NALF1: variants seen among roughly 807,000 people sequenced by gnomAD.
The protein encoded by NALF1 is family with sequence similarity 155 member A.
A neutral mutation model predicts 48.4 loss-of-function variants in NALF1; 3 were observed. That is an observed-to-expected ratio of 0.06 (90% CI 0.03 to 0.16). The LOEUF (loss-of-function observed/expected upper bound fraction) is 0.16, where lower values mean the gene tolerates loss of function less well. NALF1 is among the 10% of genes least tolerant of loss of function. The pLI, the probability that NALF1 is intolerant of heterozygous loss-of-function variation, is 1.00. For synonymous variants in NALF1, 262 were observed against 245.7 expected (o/e 1.07, Z -0.62); for missense variants, 526 against 571.5 (o/e 0.92, Z 0.81).
intron 1 of NALF1, among the ~76,000 whole-genome samples, chr13:107,645,007 T>C (rs1880277468): frequency 6.6e-6 from 1 of 152,164 alleles, no homozygotes; most frequent in Non-Finnish European, 1.5e-5. Flanking sequence ...TTTATCTTAT[T>C]GTATAAATGT....
intron 1 of NALF1, among the ~76,000 whole-genome samples, chr13:107,440,850 G>T (rs906607098): frequency 4.6e-5 from 7 of 152,058 alleles, no homozygotes; most frequent in African/African-American, 1.4e-4. Flanking sequence ...TTCAGAGATG[G>T]CCTTAATCTA....
At chr13:107,216,306 A>G (rs1234339069) in intron 1 of NALF1, among the ~76,000 whole-genome samples, 1 of 152,204 alleles carries the variant, frequency 6.6e-6, no homozygotes, top group Admixed American at 6.5e-5. Context: ...AACTCAAAAT[A>G]AATTTTCACG....
intron 1 of NALF1, among the ~76,000 whole-genome samples, chr13:107,275,457 G>A (rs1278242323): frequency 6.6e-6 from 1 of 152,120 alleles, no homozygotes; most frequent in African/African-American, 2.4e-5. Context: ...AACCTTGAGA[G>A]CCTGTATGGA....
intron 1 of NALF1, among the ~76,000 whole-genome samples, chr13:107,489,731 G>A (rs1422423444): frequency 6.6e-6 from 1 of 150,430 alleles, no homozygotes; most frequent in Non-Finnish European, 1.5e-5. Flanking sequence ...AATGATGAAG[G>A]TGCCAGATGG....
In NALF1 at chr13:107,184,088, G is replaced by A. The variant is rs1879123675; in HGVS notation, c.1088-13302C>T. ...TGCCTCTCAGGTTCAAGGTTCAGGT[G>A]GTTGATGGGTGCAGCAAACCACCAT... On this transcript the variant is annotated intron_variant, in intron 2 of 2. Coordinates refer to ENST00000375915, the MANE Select transcript of NALF1 (RefSeq NM_001080396.3). Among the ~76,000 whole-genome samples the A allele has an allele frequency of 5.3e-5, 8 of 151,106 alleles. No individual in the cohort carries two copies. The South Asian group carries it at 1.5e-3, about 28-fold the overall frequency.
intron 1 of NALF1, among the ~76,000 whole-genome samples, chr13:107,689,226 G>A (rs1460081154): frequency 1.3e-5 from 2 of 152,166 alleles, no homozygotes; most frequent in Non-Finnish European, 2.9e-5. Context: ...CACCTTCTCT[G>A]ACTCTGTCCT....
chr13:107,257,997 A>C (rs776494365), intron 1 of NALF1, among the ~76,000 whole-genome samples: 9 of 152,234 alleles, frequency 5.9e-5, no homozygotes, highest in Non-Finnish European at 1.2e-4. Flanking sequence ...GAAAGGTCAC[A>C]TTTTATATAA....
intron 1 of NALF1, among the ~76,000 whole-genome samples, chr13:107,385,415 T>C (rs115762996): frequency 0.014 from 2,131 of 152,036 alleles, 55 homozygotes; most frequent in African/African-American, 0.048. Flanking sequence ...TAGCTGGGTA[T>C]AGTGGCGCGT....
intron 1 of NALF1, among the ~76,000 whole-genome samples, chr13:107,428,477 A>G (rs1468601878): frequency 1.3e-5 from 2 of 152,090 alleles, no homozygotes; most frequent in Non-Finnish European, 2.9e-5. Flanking sequence ...TTCTATCTAT[A>G]ATTTGAGCAG....
intron 1 of NALF1, among the ~76,000 whole-genome samples, chr13:107,395,335 A>G (rs2138986467): frequency 6.6e-6 from 1 of 152,284 alleles, no homozygotes; most frequent in African/African-American, 2.4e-5. Context: ...TGATTCCAGG[A>G]AAAGCCAAGA....
chr13:107,832,125 C>G (rs769747130), intron 1 of NALF1, among the ~76,000 whole-genome samples: 2 of 151,980 alleles, frequency 1.3e-5, no homozygotes, highest in Non-Finnish European at 2.9e-5. Flanking sequence ...ACTGAACCTA[C>G]AAGTAAATTT....
rs150939306 is a variant in NALF1 at position 107,502,894 on chromosome 13, A to G, written c.916-292139T>C. Among the ~76,000 whole-genome samples the G allele has an allele frequency of 1.1e-3, 171 of 152,300 alleles. 1 individual carries two copies. Among genetic ancestry groups the G allele is most frequent in the African/African-American group, 3.6e-3 (151 of 41,564 alleles). On this transcript the variant is annotated intron_variant, in intron 1 of 2. Coordinates refer to ENST00000375915, the MANE Select transcript of NALF1 (RefSeq NM_001080396.3). Reference sequence around the variant, plus strand: ...ATTGTCCATTTCTGTATTTATGAAAATGGCCATCAAAGAGTGACAGTTCCA... The same window carrying G: ...ATTGTCCATTTCTGTATTTATGAAAGTGGCCATCAAAGAGTGACAGTTCCA...
intron 1 of NALF1, among the ~76,000 whole-genome samples, chr13:107,372,564 T>C (rs1883266228): frequency 6.6e-6 from 1 of 152,196 alleles, no homozygotes; most frequent in Non-Finnish European, 1.5e-5. Flanking sequence ...TTTAATGAAA[T>C]TTCAACAACA....
In NALF1 at chr13:107,349,556, C is replaced by T. The variant is rs1037731518; in HGVS notation, c.916-138801G>A. Among the ~76,000 whole-genome samples the T allele has an allele frequency of 5.9e-5, 9 of 152,064 alleles. No homozygotes were observed. In the East Asian group the frequency reaches 9.7e-4, roughly 16 times the overall value. Reference sequence around the variant, plus strand: ...AGGAGATCGAGACCATCCTGACCAACATGGTGAAACCCCATCTCTACTAAA... The same window carrying T: ...AGGAGATCGAGACCATCCTGACCAATATGGTGAAACCCCATCTCTACTAAA... On this transcript the variant is annotated intron_variant, in intron 1 of 2. Transcript: ENST00000375915.
Position 107,456,314 on chromosome 13 carries a change from A to C in NALF1, c.916-245559T>G, listed in dbSNP as rs548155361. 1.1e-3 allele frequency among the ~76,000 whole-genome samples: 163 copies of C among 152,350 alleles called. 2 individuals carry two copies. The highest frequency in any genetic ancestry group is 1.9e-3 in the Non-Finnish European group (127 of 68,022). ...AAAAGCAATGGTAAACTTTCAGAGC[A>C]CAATGCTACCTAGATTTATGTGGCC... is the stretch of plus-strand genomic sequence containing the variant. On this transcript the variant is annotated intron_variant, in intron 1 of 2. Coordinates refer to ENST00000375915, the MANE Select transcript of NALF1 (RefSeq NM_001080396.3).
chr13:107,339,678 T>C (rs995776639), intron 1 of NALF1, among the ~76,000 whole-genome samples: 3 of 152,196 alleles, frequency 2.0e-5, no homozygotes, highest in African/African-American at 7.2e-5. Flanking sequence ...CACTGGATAA[T>C]TGCATCATTT....
chr13:107,796,122 G>A (rs968458105), intron 1 of NALF1, among the ~76,000 whole-genome samples: 13 of 152,130 alleles, frequency 8.5e-5, no homozygotes, highest in Non-Finnish European at 1.5e-4. Context: ...GGTAATCTTT[G>A]TGTGTGGTGA....
chr13:107,777,035 T>G (rs1877753579), intron 1 of NALF1, among the ~76,000 whole-genome samples: 1 of 152,094 alleles, frequency 6.6e-6, no homozygotes, highest in African/African-American at 2.4e-5. Context: ...GAAGCTTCAG[T>G]TAGCTGTAAT....
At position 107,866,944 on chromosome 13, in the gene NALF1, C is replaced by G. The variant is rs1880756339; in HGVS notation, c.-348G>C. ...AGACGGAGGAGGCTGGTGCTGGTGGCCGGCGGCGAGGCTGGGTGCAGGGGG... is the reference window on the plus strand; with the variant it reads ...AGACGGAGGAGGCTGGTGCTGGTGGGCGGCGGCGAGGCTGGGTGCAGGGGG... On this transcript the variant is annotated 5_prime_UTR_variant, in exon 1 of 3. Coordinates refer to ENST00000375915, the MANE Select transcript of NALF1 (RefSeq NM_001080396.3). The surrounding 1 kb of genome is among the most constrained non-coding windows in gnomAD (Gnocchi z 4.4). Among the ~76,000 whole-genome samples the G allele has an allele frequency of 6.6e-6, 1 of 151,824 alleles. No individual in the cohort carries two copies. The highest frequency in any genetic ancestry group is 2.4e-5 in the African/African-American group (1 of 41,366).
Sources: allele counts gnomAD v4.1 joint callset (sites outside exome capture counted in the v4.1 genomes callset), GRCh38; gene constraint gnomAD v4.1.1; non-coding constraint Gnocchi (gnomAD v3.1); transcripts MANE v1.5; gene names NCBI Gene and HGNC (gene_info 2026-07-23, HGNC 2026-07-21).